NLGN1: variants seen among roughly 807,000 people sequenced by gnomAD.
NLGN1 encodes neuroligin 1, also known as neuroligin-1.
A neutral mutation model predicts 65.5 loss-of-function variants in NLGN1; 12 were observed. That is an observed-to-expected ratio of 0.18 (90% confidence interval 0.12 to 0.30). The LOEUF (loss-of-function observed/expected upper bound fraction) is 0.30, where lower values mean the gene tolerates loss of function less well. Ranked by LOEUF, NLGN1 falls within the 10% of genes least tolerant of loss-of-function variation. The pLI is 1.00. For synonymous variants in NLGN1, 350 were observed against 359.5 expected (o/e 0.97, Z 0.30); for missense variants, 750 against 1,007.1 (o/e 0.74, Z 3.46).
intron 3 of NLGN1, among the ~76,000 whole-genome samples, chr3:173,770,323 G>A (rs1384298549): frequency 6.6e-6 from 1 of 152,132 alleles, no homozygotes; most frequent in Non-Finnish European, 1.5e-5. Flanking sequence ...GGCTACAGAG[G>A]TGAGTTGATT....
At chr3:173,509,260 C>T (rs1732537313) in intron 2 of NLGN1, among the ~76,000 whole-genome samples, 1 of 152,168 alleles carries the variant, frequency 6.6e-6, no homozygotes, top group African/African-American at 2.4e-5. Context: ...ATGTATAACA[C>T]ATCTTGATGT....
chr3:174,267,944 A>G (rs528744565), intron 4 of NLGN1, among the ~76,000 whole-genome samples: 55 of 152,292 alleles, frequency 3.6e-4, no homozygotes, highest in South Asian at 1.2e-3. Flanking sequence ...ACACACACAT[A>G]GTTTACAATG....
At chr3:173,626,291 AAG>A in intron 3 of NLGN1, among the ~76,000 whole-genome samples, 1 of 152,180 alleles carries the variant, frequency 6.6e-6, no homozygotes, top group East Asian at 1.9e-4. Flanking sequence ...TACCAGGAGA[AAG>A]AGAAAAATCA....
intron 4 of NLGN1, among the ~76,000 whole-genome samples, chr3:174,044,422 C>A (rs1733064054): frequency 6.6e-6 from 1 of 151,716 alleles, no homozygotes; most frequent in Non-Finnish European, 1.5e-5. Flanking sequence ...AATGCTTTAC[C>A]AGTTAGAAAT....
At chr3:173,573,388 C>G (rs1389870131) in intron 2 of NLGN1, among the ~76,000 whole-genome samples, 1 of 151,966 alleles carries the variant, frequency 6.6e-6, no homozygotes, top group East Asian at 1.9e-4. Flanking sequence ...ATTAAGTGTG[C>G]ATGCCTTCAA....
intron 2 of NLGN1, among the ~76,000 whole-genome samples, chr3:173,581,636 A>T (rs886830316): frequency 6.6e-6 from 1 of 152,002 alleles, no homozygotes; most frequent in African/African-American, 2.4e-5. Flanking sequence ...CAATTATAGA[A>T]GTAAATAAGC....
chr3:173,586,129 T>A lies in NLGN1; in HGVS notation c.-320-18150T>A, dbSNP rs552054429. Among the ~76,000 whole-genome samples the A allele has an allele frequency of 3.4e-4, 38 of 113,328 alleles. 1 individual carries two copies. The highest frequency in any genetic ancestry group is 6.6e-4 in the Non-Finnish European group (34 of 51,752). The allele number at this position is 113,328 out of a possible 152,430, so 74.3% of individuals were successfully genotyped here. A position where few individuals can be genotyped will look rare whatever the true frequency, so the allele number is the denominator to read the frequency against. ...GAGACTTCAACATCACAATTTTAGT[T>A]GGCTTTTTTTTTTAAAGCCAATTCG... On this transcript the variant is annotated intron_variant, in intron 2 of 6. Coordinates refer to ENST00000457714, the Ensembl canonical transcript of NLGN1.
Position 173,939,230 on chromosome 3 carries a change from G to A in NLGN1, c.646+131398G>A, listed in dbSNP as rs139440213. ...TTTCAGCTAGAAATGTTTATCTAAC[G>A]GAGTTCTCCTGAGTAGAGCTCAACT... On this transcript the variant is annotated intron_variant, in intron 4 of 6. Coordinates refer to ENST00000457714, the Ensembl canonical transcript of NLGN1. Among the ~76,000 whole-genome samples, 1,242 of 152,194 alleles carry A rather than the reference G, an allele frequency of 8.2e-3. 22 individuals are homozygous for A. The highest frequency in any genetic ancestry group is 0.029 in the African/African-American group (1,185 of 41,508).
At chr3:173,421,382 C>A (rs2574683) in intron 1 of NLGN1, among the ~76,000 whole-genome samples, 24,240 of 151,824 alleles carry the variant, frequency 0.16, 2,190 homozygotes, top group Middle Eastern at 0.28. Flanking sequence ...TTCCTAATTA[C>A]AATTGCCATC....
chr3:174,075,588 A>C (rs1036461378), intron 4 of NLGN1, among the ~76,000 whole-genome samples: 12 of 152,310 alleles, frequency 7.9e-5, no homozygotes, highest in African/African-American at 2.9e-4. Flanking sequence ...GTGGAGCCAG[A>C]TAGGCACAGA....
chr3:174,223,659 C>T (rs1325272868), intron 4 of NLGN1, among the ~76,000 whole-genome samples: 1 of 152,142 alleles, frequency 6.6e-6, no homozygotes, highest in African/African-American at 2.4e-5. Context: ...TTGTTGACAA[C>T]TGCACTTGAA....
chr3:174,214,978 A>C (rs1737336402), intron 4 of NLGN1, among the ~76,000 whole-genome samples: 1 of 152,102 alleles, frequency 6.6e-6, no homozygotes, highest in East Asian at 1.9e-4. Context: ...AAAGAAGGGG[A>C]AAATGGGTAT....
At chr3:174,229,420 C>G (rs1740293825) in intron 4 of NLGN1, among the ~76,000 whole-genome samples, 1 of 152,000 alleles carries the variant, frequency 6.6e-6, no homozygotes, top group African/African-American at 2.4e-5. Context: ...TTCCGCATCT[C>G]CATAAACAGT....
intron 4 of NLGN1, among the ~76,000 whole-genome samples, chr3:174,070,337 GT>G (rs59115661): frequency 5.4e-4 from 78 of 144,280 alleles, no homozygotes; most frequent in South Asian, 8.8e-4. Context: ...GACTTTTTGT[GT>G]TTTTTTTTTT....
Position 173,651,784 on chromosome 3 carries a change from C to T in NLGN1, c.493+46693C>T, listed in dbSNP as rs561570486. Among the ~76,000 whole-genome samples, 7 of 151,852 alleles carry T rather than the reference C, an allele frequency of 4.6e-5. No homozygotes were observed. In the South Asian group the frequency reaches 1.2e-3, roughly 27 times the overall value. On this transcript the variant is annotated intron_variant, in intron 3 of 6. Coordinates refer to ENST00000457714, the Ensembl canonical transcript of NLGN1. ...CTTTTGAAAAATGTCTACTCATGTT[C>T]TTTGCCCATTTTTTTTGTTTTGTTT...
At chr3:173,860,389 T>A (rs1263968665) in intron 4 of NLGN1, among the ~76,000 whole-genome samples, 1 of 152,174 alleles carries the variant, frequency 6.6e-6, no homozygotes, top group African/African-American at 2.4e-5. Context: ...ATTTCTAATT[T>A]TACTGATTTT....
chr3:173,736,661 A>T (rs1192407979), intron 3 of NLGN1, among the ~76,000 whole-genome samples: 3 of 152,098 alleles, frequency 2.0e-5, no homozygotes, highest in South Asian at 2.1e-4. Flanking sequence ...GATAAAAAAA[A>T]AATAATTTTG....
intron 2 of NLGN1, among the ~76,000 whole-genome samples, chr3:173,585,276 A>G (rs976019358): frequency 6.6e-6 from 1 of 152,066 alleles, no homozygotes; most frequent in Non-Finnish European, 1.5e-5. Flanking sequence ...AAAATCTCTC[A>G]GTTGGGAGAC....
chr3:174,251,094 T>TA (rs145047486), intron 4 of NLGN1, among the ~76,000 whole-genome samples: 17,060 of 152,062 alleles, frequency 0.11, 1,756 homozygotes, highest in African/African-American at 0.27. Context: ...ACTCTAATTT[T>TA]AAAAACCAAA....
Sources: gnomAD v4.1 joint callset for allele counts (sites outside exome capture counted in the v4.1 genomes callset) on GRCh38, gnomAD v4.1.1 for gene constraint, MANE v1.5 for transcripts, NCBI Gene and HGNC (gene_info 2026-07-23, HGNC 2026-07-21) for gene names.